The following FOXP1 variants were observed in gnomAD, a reference collection of about 807,000 sequenced individuals.
FOXP1 encodes the protein forkhead box P1.
FOXP1 carries 15 observed loss-of-function variants against 98.2 expected under a neutral mutation model. That is an observed-to-expected ratio of 0.15 (90% CI 0.10 to 0.24). The LOEUF is 0.24. FOXP1 is among the 10% of genes least tolerant of loss of function. The pLI is 1.00. For synonymous variants in FOXP1, 371 were observed against 314.5 expected (o/e 1.18, Z -1.90); for missense variants, 633 against 848.5 (o/e 0.75, Z 3.15).
intron 2 of FOXP1, among the ~76,000 whole-genome samples, chr3:71,540,605 G>T (rs981713623): frequency 6.6e-6 from 1 of 152,154 alleles, no homozygotes; most frequent in Non-Finnish European, 1.5e-5. Context: ...AACTTCTTGG[G>T]ACAACCTTAA....
chr3:71,185,770 A>G (rs549535945), intron 6 of FOXP1, among the ~76,000 whole-genome samples: 20 of 152,232 alleles, frequency 1.3e-4, no homozygotes, highest in Non-Finnish European at 2.9e-4. Context: ...AAAATCTCTA[A>G]GTCAGAAGCC....
intron 6 of FOXP1, among the ~76,000 whole-genome samples, chr3:71,187,196 C>T (rs1272570028): frequency 6.6e-6 from 1 of 152,252 alleles, no homozygotes; most frequent in Non-Finnish European, 1.5e-5. Context: ...TTGACAATTA[C>T]AATTGTGAAT....
intron 5 of FOXP1, among the ~76,000 whole-genome samples, chr3:71,249,646 A>G (rs930006366): frequency 1.3e-5 from 2 of 152,228 alleles, no homozygotes; most frequent in African/African-American, 4.8e-5. Context: ...TGTCAGTACC[A>G]GCCCCTGTTG....
At chr3:71,036,160 T>C (rs2047552549) in intron 11 of FOXP1, among the ~76,000 whole-genome samples, 4 of 152,148 alleles carry the variant, frequency 2.6e-5, no homozygotes. Flanking sequence ...ATAAGTACAC[T>C]AGCCAGGCGG....
At chr3:70,963,139 C>T (rs961022370) in intron 20 of FOXP1, among the ~76,000 whole-genome samples, 10 of 152,118 alleles carry the variant, frequency 6.6e-5, no homozygotes, top group Non-Finnish European at 8.8e-5. Flanking sequence ...TATTTACTAT[C>T]CACAAGACAG....
At chr3:71,381,714 A>T (rs2080195519) in intron 3 of FOXP1, among the ~76,000 whole-genome samples, 1 of 152,066 alleles carries the variant, frequency 6.6e-6, no homozygotes, top group African/African-American at 2.4e-5. Flanking sequence ...AAAGTGCGGG[A>T]CTTATAAGCA....
At chr3:71,517,472 C>T (rs1171195017) in intron 2 of FOXP1, among the ~76,000 whole-genome samples, 3 of 152,150 alleles carry the variant, frequency 2.0e-5, no homozygotes, top group Non-Finnish European at 4.4e-5. Context: ...TATTAACTGT[C>T]AGGGAAATGT....
chr3:71,226,448 CCGGCAGCCA>C (rs2065840526), intron 5 of FOXP1, among the ~76,000 whole-genome samples: 1 of 106,860 alleles, frequency 9.4e-6, no homozygotes, highest in Non-Finnish European at 2.5e-5. Context: ...TCAACTCCAC[CCGGCAGCCA>C]TCCTGAAAAT....
At chr3:71,306,967 C>T (rs1309193070) in intron 4 of FOXP1, among the ~76,000 whole-genome samples, 1 of 152,192 alleles carries the variant, frequency 6.6e-6, no homozygotes, top group Admixed American at 6.5e-5. Flanking sequence ...GTTAGGAATT[C>T]ACTACTGACT....
intron 3 of FOXP1, among the ~76,000 whole-genome samples, chr3:71,425,110 G>A (rs1050000898): frequency 1.4e-5 from 2 of 146,218 alleles, no homozygotes; most frequent in Non-Finnish European, 1.5e-5. Context: ...TTTTTGTTTC[G>A]TTTTGTTTTG....
intron 2 of FOXP1, among the ~76,000 whole-genome samples, chr3:71,494,078 G>T (rs960805224): frequency 1.3e-5 from 2 of 151,834 alleles, no homozygotes; most frequent in African/African-American, 4.8e-5. Context: ...AATGATTATG[G>T]ATTACATAAG....
At chr3:71,223,291 C>T (rs920329564) in intron 5 of FOXP1, among the ~76,000 whole-genome samples, 19 of 150,258 alleles carry the variant, frequency 1.3e-4, no homozygotes, top group African/African-American at 4.7e-4. Flanking sequence ...CTTACTCTTT[C>T]ATACCTACAT....
chr3:71,069,207 G>T (rs1214707504), intron 7 of FOXP1, among the ~76,000 whole-genome samples: 1 of 152,150 alleles, frequency 6.6e-6, no homozygotes, highest in South Asian at 2.1e-4. Context: ...ATTGCCATTT[G>T]CATTTTCATG....
intron 3 of FOXP1, among the ~76,000 whole-genome samples, chr3:71,453,209 T>A (rs185116561): frequency 3.9e-5 from 6 of 152,096 alleles, no homozygotes; most frequent in African/African-American, 1.4e-4. Context: ...CTTCCTAATT[T>A]CCTAAGAAAA....
chr3:71,471,881 A>G (rs1030167748), intron 3 of FOXP1, among the ~76,000 whole-genome samples: 2 of 152,276 alleles, frequency 1.3e-5, no homozygotes, highest in Middle Eastern at 3.4e-3. Context: ...GCAGACCAAG[A>G]AAGACCCGGC....
At chr3:71,325,060 T>G (rs2075607325) in intron 4 of FOXP1, among the ~76,000 whole-genome samples, 1 of 151,002 alleles carries the variant, frequency 6.6e-6, no homozygotes, top group Admixed American at 6.6e-5. Flanking sequence ...TTGATTTTTT[T>G]TTTTTTTTTT....
At chr3:71,310,131 C>G (rs2074580808) in intron 4 of FOXP1, among the ~76,000 whole-genome samples, 1 of 152,186 alleles carries the variant, frequency 6.6e-6, no homozygotes. Context: ...ACATGCTGGA[C>G]AATGGATGAT....
intron 10 of FOXP1, among the ~76,000 whole-genome samples, chr3:71,044,358 G>A (rs912547239): frequency 1.6e-4 from 24 of 152,198 alleles, no homozygotes; most frequent in African/African-American, 5.3e-4. Flanking sequence ...GAATAAGACT[G>A]AAAGAATATT....
At chr3:71,579,503 T>C (rs914409096) in intron 2 of FOXP1, among the ~76,000 whole-genome samples, 4 of 152,204 alleles carry the variant, frequency 2.6e-5, no homozygotes, top group African/African-American at 9.6e-5. Context: ...CGTGGTCATG[T>C]TGAATGTCAA....
Sources: gnomAD v4.1 joint callset for allele counts (sites outside exome capture counted in the v4.1 genomes callset) on GRCh38, gnomAD v4.1.1 for gene constraint, MANE v1.5 for transcripts, NCBI Gene and HGNC (gene_info 2026-07-23, HGNC 2026-07-21) for gene names.